Variants in ANK3 observed in about 807,000 individuals in gnomAD.
The protein encoded by ANK3 is ankyrin 3.
In ANK3, 57 loss-of-function variants were observed where a neutral mutation model predicts 370.9. The observed-to-expected ratio is 0.15, with a 90% CI of 0.12 to 0.19. The LOEUF is 0.19. Among genes scored for constraint, ANK3 ranks in the 10% least tolerant of loss-of-function variants. ANK3 has a pLI of 1.00. For synonymous variants in ANK3, 1,929 were observed against 1,946.3 expected, an observed-to-expected ratio of 0.99 and a Z score of 0.23; for missense variants, 4,439 against 5,302.1, an observed-to-expected ratio of 0.84 and a Z score of 5.06.
chr10:60,649,733 C>A (rs10761539), intron 1 of ANK3, among the ~76,000 whole-genome samples: 1 of 152,008 alleles, frequency 6.6e-6, no homozygotes, highest in African/African-American at 2.4e-5. Flanking sequence ...AGCAGCTCTG[C>A]GTTTATATGT....
At chr10:60,530,301 T>TTA (rs1430027384) in intron 2 of ANK3, among the ~76,000 whole-genome samples, 6 of 152,164 alleles carry the variant, frequency 3.9e-5, no homozygotes, top group Non-Finnish European at 5.9e-5. Flanking sequence ...CCCTGTTTAT[T>TTA]TAATCAAGAT....
At chr10:60,624,722 TAA>T (rs397947661) in intron 1 of ANK3, among the ~76,000 whole-genome samples, 8 of 126,886 alleles carry the variant, frequency 6.3e-5, no homozygotes, top group Admixed American at 8.1e-5. Flanking sequence ...ATAGTGGCTT[TAA>T]AAAAAAAAAA....
chr10:60,687,472 G>A (rs2079284315), intron 1 of ANK3, among the ~76,000 whole-genome samples: 2 of 151,686 alleles, frequency 1.3e-5, no homozygotes, highest in South Asian at 2.1e-4. Flanking sequence ...TAATCATTAG[G>A]GAAATTCAAA....
intron 43 of ANK3, among the ~76,000 whole-genome samples, chr10:60,034,109 T>TG (rs2074373337): frequency 6.9e-6 from 1 of 145,248 alleles, no homozygotes; most frequent in Non-Finnish European, 1.5e-5. Flanking sequence ...TTTTTTGGTT[T>TG]TTTTTTTTTT....
chr10:60,332,996 T>C (rs1248649645), intron 1 of ANK3, among the ~76,000 whole-genome samples: 3 of 152,220 alleles, frequency 2.0e-5, no homozygotes, highest in Non-Finnish European at 4.4e-5. Flanking sequence ...TGTGTACACA[T>C]ATATACCCTT....
intron 2 of ANK3, among the ~76,000 whole-genome samples, chr10:60,547,266 T>C (rs1167650848): frequency 1.3e-5 from 2 of 151,930 alleles, no homozygotes; most frequent in African/African-American, 4.8e-5. Context: ...AATTTTTTTG[T>C]ATTTTTAGTA....
At chr10:60,730,861 AT>A (rs1451208139) in intron 1 of ANK3, among the ~76,000 whole-genome samples, 6 of 152,222 alleles carry the variant, frequency 3.9e-5, no homozygotes, top group Non-Finnish European at 8.8e-5. Context: ...AAACATTCCA[AT>A]TAAAATTCAT....
intron 35 of ANK3, chr10:60,081,682 A>G (rs1443851495): frequency 4.8e-5 from 15 of 310,958 alleles, no homozygotes; most frequent in South Asian, 4.2e-4. Flanking sequence ...AACATGCTGG[A>G]TAGTAGGATA....
chr10:60,300,268 C>A, intron 1 of ANK3: 14 of 1,129,778 alleles, frequency 1.2e-5, no homozygotes, highest in Non-Finnish European at 1.7e-5. Flanking sequence ...CAGGGCAAAA[C>A]AGAACTTCTA....
chr10:60,283,426 G>A (rs2098195926), intron 1 of ANK3, among the ~76,000 whole-genome samples: 1 of 152,016 alleles, frequency 6.6e-6, no homozygotes. Context: ...AATTACTATG[G>A]AGGAAATTAG....
intron 5 of ANK3, among the ~76,000 whole-genome samples, chr10:60,264,540 G>A (rs900324298): frequency 9.2e-5 from 14 of 151,786 alleles, no homozygotes; most frequent in African/African-American, 2.2e-4. Flanking sequence ...CTATTTGGGA[G>A]GCTGAGACAG....
At chr10:60,171,692 A>G (rs2132311355) in intron 21 of ANK3, among the ~76,000 whole-genome samples, 1 of 152,348 alleles carries the variant, frequency 6.6e-6, no homozygotes, top group East Asian at 1.9e-4. Context: ...GACTTATCCT[A>G]GAGGCTGCAG....
chr10:60,339,412 A>AT (rs1172473176), intron 1 of ANK3, among the ~76,000 whole-genome samples: 5 of 152,198 alleles, frequency 3.3e-5, no homozygotes, highest in African/African-American at 1.2e-4. Context: ...TCCCATGCAC[A>AT]TACCTATTTC....
chr10:60,253,142 C>T (rs1566010459), intron 7 of ANK3, among the ~76,000 whole-genome samples: 3 of 152,092 alleles, frequency 2.0e-5, no homozygotes, highest in Admixed American at 2.0e-4. Flanking sequence ...TGCCACTGTC[C>T]CATATGTACT....
chr10:60,078,771 GT>G (rs1465651012), intron 36 of ANK3, among the ~76,000 whole-genome samples: 1 of 152,162 alleles, frequency 6.6e-6, no homozygotes, highest in African/African-American at 2.4e-5. Context: ...CATAACACCA[GT>G]TTTGAGACTT....
At chr10:60,461,400 G>A (rs987770773) in intron 2 of ANK3, among the ~76,000 whole-genome samples, 11 of 152,060 alleles carry the variant, frequency 7.2e-5, no homozygotes, top group Non-Finnish European at 1.5e-4. Context: ...CATATAACTG[G>A]ATCAAAATGA....
chr10:60,055,170 AT>A (rs34617235), intron 42 of ANK3, among the ~76,000 whole-genome samples: 26,889 of 152,140 alleles, frequency 0.18, 2,959 homozygotes, highest in South Asian at 0.27. Flanking sequence ...CATCTCTTTA[AT>A]TTTTAAAACA....
At chr10:60,575,828 GA>G (rs1164739188) in intron 2 of ANK3, among the ~76,000 whole-genome samples, 1 of 152,080 alleles carries the variant, frequency 6.6e-6, no homozygotes, top group East Asian at 1.9e-4. Context: ...ACCTTTAATA[GA>G]AAAGGTATTA....
rs767525322 is a variant in ANK3 at position 60,080,584 on chromosome 10, G to T, written c.4385C>A (p.Ser1462Tyr). ...GCTGTAGCGCTTACGTAAAGCTAAG[G>T]ATGCGAAGCTCTGTCGTCTATCTGT... ...EKTDRRQSFASLALRKRYSYL... is the reference protein window; with the variant it reads ...EKTDRRQSFAYLALRKRYSYL... The change falls in exon 36 of 44, where the codon TCC becomes TAC. Residue 1462 changes from serine (S) to tyrosine (Y), a missense_variant. Ser to Tyr is a moderately radical substitution (Grantham distance 144). Around this residue, in one of 13 missense-constraint regions of ANK3, gnomAD observed 679 missense variants for 791.0 expected, o/e 0.86. Transcript: ENST00000280772. 1.2e-6 allele frequency: 2 copies of T among 1,607,076 alleles called. No homozygotes were observed. The highest frequency in any genetic ancestry group is 8.5e-7 in the Non-Finnish European group (1 of 1,178,072).
Sources: allele counts gnomAD v4.1 joint callset (sites outside exome capture counted in the v4.1 genomes callset), GRCh38; gene constraint gnomAD v4.1.1; regional missense constraint gnomAD v4.1.1; transcripts MANE v1.5; gene names NCBI Gene and HGNC (gene_info 2026-07-23, HGNC 2026-07-21).